NCOA7: variants seen among roughly 807,000 people sequenced by gnomAD.
NCOA7 encodes 140 kDa estrogen receptor-associated protein.
Under a neutral mutation model 104.3 loss-of-function variants are expected in NCOA7, and 45 were observed. The ratio of observed to expected loss-of-function variants is 0.43; its 90% CI spans 0.34 to 0.55. The LOEUF is 0.55. NCOA7 is among the 20% of genes least tolerant of loss of function. The probability of loss-of-function intolerance (pLI) is 0.02; values close to 1 mark genes in which losing one functional copy is unlikely to be tolerated. For missense variants in NCOA7, 1,041 were observed against 1,119.7 expected (o/e 0.93, Z 1.00); for synonymous variants, 398 against 402.3 (o/e 0.99, Z 0.13).
chr6:125,789,326 GCTTAAAAGAACTAT>G (rs1271008645), upstream of NCOA7, among the ~76,000 whole-genome samples: 3 of 152,200 alleles, frequency 2.0e-5, no homozygotes, highest in African/African-American at 7.2e-5. Flanking sequence ...CCTTCAATTT[GCTTAAAAGAACTAT>G]CTCAAAAAAT....
At chr6:125,855,292 A>T in intron 3 of NCOA7, 52 bp downstream of exon 3, 1 of 1,379,904 alleles carries the variant, frequency 7.2e-7, no homozygotes, top group Non-Finnish European at 1.0e-6. Context: ...ATCTATAAGA[A>T]TTTTTAAAAG....
At position 125,888,577 on chromosome 6, in the gene NCOA7, C is replaced by T. The variant is rs904861788; in HGVS notation, c.885-362C>T. Among the ~76,000 whole-genome samples the T allele has an allele frequency of 4.6e-5, 7 of 152,250 alleles. No individual in the cohort carries two copies. The East Asian group carries it at 1.2e-3, about 25-fold the overall frequency. ...TTAGACATTGGTACTAAAATATTTC[C>T]TCTCCTTTATCCTTTCCTTCATGAA... On this transcript the variant is annotated intron_variant, in intron 8 of 15. Transcript: ENST00000392477.
At chr6:125,918,920 C>G (rs946407772) in intron 11 of NCOA7, among the ~76,000 whole-genome samples, 1 of 149,246 alleles carries the variant, frequency 6.7e-6, no homozygotes, top group South Asian at 2.1e-4. Context: ...TTAAATGGAG[C>G]TTTAGCCTTA....
Position 125,929,811 on chromosome 6 carries a change from TG to T in NCOA7, c.*1041del. 6.6e-6 allele frequency: 1 copy of T among 152,306 alleles called. No homozygotes were observed. The highest frequency in any genetic ancestry group is 6.5e-5 in the Admixed American group (1 of 15,302). The allele number at this position is 152,306 out of a possible 1,614,324, so 9.4% of individuals were successfully genotyped here. On this transcript the variant is annotated 3_prime_UTR_variant, in exon 16 of 16. Coordinates refer to ENST00000392477, the MANE Select transcript of NCOA7 (RefSeq NM_181782.5). The stretch of plus-strand genomic sequence containing the variant: ...AATAACAAAAACTTTATTTTCGGAG[TG>T]TTCTTTGTATAACTTTTCCAAGCTT...
chr6:125,911,219 G>A (rs1041786383), intron 10 of NCOA7, among the ~76,000 whole-genome samples: 2 of 152,234 alleles, frequency 1.3e-5, no homozygotes, highest in African/African-American at 4.8e-5. Flanking sequence ...TATGGAACAT[G>A]TTCTGCTACT....
chr6:125,910,441 A>G (rs1163738990), intron 10 of NCOA7, among the ~76,000 whole-genome samples: 2 of 152,242 alleles, frequency 1.3e-5, no homozygotes, highest in African/African-American at 4.8e-5. Context: ...TTTAAGATGG[A>G]CTAAATTTTT....
chr6:125,885,493 G>A, intron 8 of NCOA7, 150 bp downstream of exon 8: 1 of 639,252 alleles, frequency 1.6e-6, no homozygotes, highest in Non-Finnish European at 2.6e-6. Flanking sequence ...AGAAAAATGA[G>A]AAGAAATGAA....
intron 1 of NCOA7, among the ~76,000 whole-genome samples, chr6:125,809,543 AC>A (rs1776775977): frequency 6.6e-6 from 1 of 152,108 alleles, no homozygotes; most frequent in Non-Finnish European, 1.5e-5. Flanking sequence ...AGGTTTCTCT[AC>A]TGTTACAGGG....
chr6:125,924,064 TA>T (rs914789694), intron 13 of NCOA7, among the ~76,000 whole-genome samples: 3 of 152,132 alleles, frequency 2.0e-5, no homozygotes, highest in Non-Finnish European at 4.4e-5. Context: ...AGAGTCAAGA[TA>T]AAAAAATTAA....
chr6:125,877,214 T>C (rs955071713), intron 4 of NCOA7, among the ~76,000 whole-genome samples: 1 of 152,154 alleles, frequency 6.6e-6, no homozygotes, highest in African/African-American at 2.4e-5. Flanking sequence ...CTTTGATTAG[T>C]CTGAGACAGT....
At chr6:125,835,915 G>T (rs1013695480) in intron 2 of NCOA7, among the ~76,000 whole-genome samples, 1 of 152,224 alleles carries the variant, frequency 6.6e-6, no homozygotes, top group African/African-American at 2.4e-5. Context: ...TTGAGTCTCA[G>T]TGAGTTTTTA....
At chr6:125,811,331 A>G (rs951570147) in intron 1 of NCOA7, among the ~76,000 whole-genome samples, 2 of 152,160 alleles carry the variant, frequency 1.3e-5, no homozygotes, top group African/African-American at 4.8e-5. Context: ...CTGCCTACTT[A>G]TGTGCCAGTT....
intron 10 of NCOA7, among the ~76,000 whole-genome samples, chr6:125,905,769 C>T (rs1416162178): frequency 5.3e-5 from 8 of 152,062 alleles, no homozygotes; most frequent in South Asian, 4.2e-4. Context: ...AAATAAAATC[C>T]GAACCCTTTT....
intron 2 of NCOA7, among the ~76,000 whole-genome samples, chr6:125,816,540 A>G (rs527488429): frequency 6.6e-6 from 1 of 152,306 alleles, no homozygotes; most frequent in African/African-American, 2.4e-5. Context: ...GTAGTAAAAT[A>G]TTTTCTGCTA....
At chr6:125,792,098 T>C (rs1272360262) in intron 1 of NCOA7, among the ~76,000 whole-genome samples, 2 of 152,208 alleles carry the variant, frequency 1.3e-5, no homozygotes, top group Admixed American at 6.5e-5. Flanking sequence ...ATCTTCTGCA[T>C]CTTATGCAGA....
chr6:125,839,409 C>T (rs113072413), intron 2 of NCOA7, among the ~76,000 whole-genome samples: 17 of 151,204 alleles, frequency 1.1e-4, no homozygotes, highest in Middle Eastern at 3.4e-3. Context: ...TCAGCCACTG[C>T]GCGAGGCCTA....
chr6:125,781,953 T>C (rs1289233784), intron 1 of NCOA7, among the ~76,000 whole-genome samples: 1 of 152,226 alleles, frequency 6.6e-6, no homozygotes, highest in African/African-American at 2.4e-5. Flanking sequence ...TCCATACCTT[T>C]GCCTTCCAAT....
At chr6:125,855,469 T>C (rs1030883848) in intron 3 of NCOA7, 1 of 415,720 alleles carries the variant, frequency 2.4e-6, no homozygotes, top group Non-Finnish European at 4.3e-6. Flanking sequence ...CAGAATGTAT[T>C]GTGTACTACT....
At chr6:125,918,274 A>G (rs1318589291) in intron 11 of NCOA7, among the ~76,000 whole-genome samples, 1 of 152,136 alleles carries the variant, frequency 6.6e-6, no homozygotes, top group East Asian at 1.9e-4. Flanking sequence ...TGTGCCTGGC[A>G]AAGCACCTGG....
Sources: allele counts gnomAD v4.1 joint callset (sites outside exome capture counted in the v4.1 genomes callset), GRCh38; gene constraint gnomAD v4.1.1; transcripts MANE v1.5; gene names NCBI Gene and HGNC (gene_info 2026-07-23, HGNC 2026-07-21).